The following CD36 variants were observed in gnomAD, a reference collection of about 807,000 sequenced individuals.
CD36 encodes the protein platelet glycoprotein 4.
A neutral mutation model predicts 55.2 loss-of-function variants in CD36; 119 were observed. The observed-to-expected ratio is 2.15, with a 90% CI of 1.86 to 2.51. The LOEUF is 2.51. Among genes scored for constraint, CD36 ranks in the 30% most tolerant of loss-of-function variants. CD36 has a pLI of 0.00. For missense variants in CD36, 819 were observed against 555.5 expected (o/e 1.47, Z -4.77); for synonymous variants, 186 against 193.6 (o/e 0.96, Z 0.33).
chr7:80,623,545 A>T (rs910424553), intron 1 of CD36, among the ~76,000 whole-genome samples: 1 of 152,040 alleles, frequency 6.6e-6, no homozygotes, highest in African/African-American at 2.4e-5. Flanking sequence ...AATTTATTTG[A>T]TTTGTGTTGC....
At chr7:80,632,658 T>G (rs1291044758) in intron 1 of CD36, among the ~76,000 whole-genome samples, 3 of 152,068 alleles carry the variant, frequency 2.0e-5, no homozygotes, top group Non-Finnish European at 1.5e-5. Flanking sequence ...ATATTCATCA[T>G]GCTGATCAAT....
intron 3 of CD36, 37 bp downstream of exon 3, chr7:80,646,897 A>G: frequency 6.2e-7 from 1 of 1,610,938 alleles, no homozygotes; most frequent in Non-Finnish European, 8.5e-7. Context: ...TCTCATTTTG[A>G]TTGATTCTAA....
At chr7:80,642,275 G>T (rs1794870630) in intron 1 of CD36, among the ~76,000 whole-genome samples, 1 of 151,978 alleles carries the variant, frequency 6.6e-6, no homozygotes, top group South Asian at 2.1e-4. Context: ...AATTAGTAAA[G>T]AATAAAATTT....
intron 1 of CD36, among the ~76,000 whole-genome samples, chr7:80,645,677 G>C (rs948536818): frequency 9.2e-5 from 14 of 152,016 alleles, no homozygotes; most frequent in African/African-American, 3.4e-4. Flanking sequence ...CCAAACATTA[G>C]ATTGACAAAT....
intron 3 of CD36, among the ~76,000 whole-genome samples, chr7:80,649,882 G>C (rs1795466488): frequency 6.6e-6 from 1 of 151,940 alleles, no homozygotes; most frequent in Non-Finnish European, 1.5e-5. Context: ...TACAATCCTA[G>C]AAGTTAATAG....
chr7:80,645,472 A>G (rs1362880280), intron 1 of CD36, among the ~76,000 whole-genome samples: 1 of 151,628 alleles, frequency 6.6e-6, no homozygotes, highest in Non-Finnish European at 1.5e-5. Flanking sequence ...TCTCTACTGA[A>G]AATACAAAAA....
chr7:80,673,379 C>CTATATTGTGCCTAT lies in CD36; in HGVS notation c.1226_1239dup (p.Leu414IlefsTer26). On this transcript the variant is annotated frameshift_variant, in exon 13 of 15. Transcript: ENST00000447544. LOFTEE classifies it high-confidence loss of function. ...GAGTATTAAAGAATCTGAAGAGGAACTATATTGTGCCTATTCTTTGGCTTA... is the reference window on the plus strand; with the variant it reads ...GAGTATTAAAGAATCTGAAGAGGAACTATATTGTGCCTATTATATTGTGCCTATTCTTTGGCTTA... 2 of 1,561,050 alleles carry CTATATTGTGCCTAT rather than the reference C, an allele frequency of 1.3e-6. No individual in the cohort carries two copies. The highest frequency in any genetic ancestry group is 1.8e-6 in the Non-Finnish European group (2 of 1,132,798).
chr7:80,615,307 A>G (rs988174504), intron 1 of CD36, among the ~76,000 whole-genome samples: 1 of 152,156 alleles, frequency 6.6e-6, no homozygotes, highest in Non-Finnish European at 1.5e-5. Context: ...TAATTGTTCT[A>G]TTCTGCTTAC....
At chr7:80,630,645 A>G (rs886172688) in intron 1 of CD36, among the ~76,000 whole-genome samples, 1 of 151,970 alleles carries the variant, frequency 6.6e-6, no homozygotes, top group African/African-American at 2.4e-5. Flanking sequence ...TTTCACCTCA[A>G]ATTTTTGTTC....
chr7:80,674,048 C>T lies in CD36; in HGVS notation c.1320C>T (p.Leu440=), dbSNP rs1169206209. 1 of 1,611,892 alleles carries T rather than the reference C, an allele frequency of 6.2e-7. No individual in the cohort carries two copies. Among genetic ancestry groups the T allele is most frequent in the Non-Finnish European group, 8.5e-7 (1 of 1,178,562 alleles). The change falls in exon 14 of 15, where the codon CTC becomes CTT. Residue 440 remains leucine, a synonymous_variant. Coordinates refer to ENST00000447544, the MANE Select transcript of CD36 (RefSeq NM_001001548.3). The part of the protein sequence containing the change: ...FRSQVTGKIN[L]LGLIEMILLS... ...GTCAAGTAACTGGAAAAATAAACCT[C>T]CTTGGCCTGATAGAAATGATCTTAC...
At chr7:80,663,912 G>A (rs2116709393) in intron 6 of CD36, among the ~76,000 whole-genome samples, 1 of 152,242 alleles carries the variant, frequency 6.6e-6, no homozygotes, top group South Asian at 2.1e-4. Context: ...AATGTAGAAA[G>A]CCATAATGAA....
At chr7:80,671,785 A>T in intron 10 of CD36, 137 bp from the exon 11 acceptor site, 1 of 727,364 alleles carries the variant, frequency 1.4e-6, no homozygotes, top group South Asian at 1.6e-5. Context: ...ATCAACTGAC[A>T]TAATTCTTCC....
chr7:80,667,746 TG>T lies in CD36; in HGVS notation c.748+1258del, dbSNP rs143337149. Among the ~76,000 whole-genome samples, 198 of 118,372 alleles carry T rather than the reference TG, an allele frequency of 1.7e-3. 1 individual carries two copies. The highest frequency in any genetic ancestry group is 5.4e-3 in the African/African-American group (174 of 32,122). The allele number at this position is 118,372 out of a possible 152,430, so 77.7% of individuals were successfully genotyped here. A position where few individuals can be genotyped will look rare whatever the true frequency, so the allele number is the denominator to read the frequency against. On this transcript the variant is annotated intron_variant, in intron 8 of 14. Transcript: ENST00000447544. ...TGTTGGATTTGCAGGGGTTTTCTTT[TG>T]TTTTTTTTTTTTTTTTTTTTTGAGA...
At chr7:80,633,514 A>G (rs10216184) in intron 1 of CD36, among the ~76,000 whole-genome samples, 50,084 of 151,814 alleles carry the variant, frequency 0.33, 8,536 homozygotes, top group South Asian at 0.44. Context: ...TAAAGGTGAT[A>G]TTAGAAATCT....
At chr7:80,649,564 G>A (rs978503685) in intron 3 of CD36, among the ~76,000 whole-genome samples, 1 of 151,856 alleles carries the variant, frequency 6.6e-6, no homozygotes, top group Non-Finnish European at 1.5e-5. Context: ...AGGAGTAAAA[G>A]CATCAAACTC....
chr7:80,661,091 AC>A lies in CD36; in HGVS notation c.313del (p.Gln105ArgfsTer52). ...TCGTTTTCTAGCCAAGGAAAATGTA[AC>A]CCAGGACGCTGAGGACAACACAGTC... ...RVRFLAKENV[T>X]QDAEDNTVSF... On this transcript the variant is annotated frameshift_variant, in exon 5 of 15. Coordinates refer to ENST00000447544, the MANE Select transcript of CD36 (RefSeq NM_001001548.3). LOFTEE classifies it high-confidence loss of function. 6.2e-7 allele frequency: 1 copy of A among 1,613,902 alleles called. No homozygotes were observed. The highest frequency in any genetic ancestry group is 1.7e-5 in the Admixed American group (1 of 60,016).
intron 14 of CD36, among the ~76,000 whole-genome samples, chr7:80,674,757 C>T (rs1258957058): frequency 6.6e-6 from 1 of 152,016 alleles, no homozygotes; most frequent in Non-Finnish European, 1.5e-5. Flanking sequence ...TCACAGGTAA[C>T]ATTGGTGTTG....
intron 11 of CD36, among the ~76,000 whole-genome samples, chr7:80,672,415 AGTTAT>A (rs1178384530): frequency 6.6e-6 from 1 of 151,844 alleles, no homozygotes. Flanking sequence ...GGATTTTAGT[AGTTAT>A]GTTTTAGTTT....
rs933328152 is a variant in CD36 at position 80,677,876 on chromosome 7, G to A, written c.*1493G>A. 15 of 152,188 alleles carry A rather than the reference G, an allele frequency of 9.9e-5. No homozygotes were observed. The highest frequency in any genetic ancestry group is 3.6e-4 in the African/African-American group (15 of 41,526). The allele number at this position is 152,188 out of a possible 1,614,324, so 9.4% of individuals were successfully genotyped here. On this transcript the variant is annotated 3_prime_UTR_variant, in exon 15 of 15. Coordinates refer to ENST00000447544, the MANE Select transcript of CD36 (RefSeq NM_001001548.3). ...ATGATCTCATAGCATTTAGATATCA[G>A]AAAAGGTTTTGACCTATATGTCTTT... is the stretch of plus-strand genomic sequence containing the variant.
Sources: gnomAD v4.1 joint callset for allele counts (sites outside exome capture counted in the v4.1 genomes callset) on GRCh38, gnomAD v4.1.1 for gene constraint, MANE v1.5 for transcripts, NCBI Gene and HGNC (gene_info 2026-07-23, HGNC 2026-07-21) for gene names.